EIF5: variants seen among roughly 807,000 people sequenced by gnomAD.
EIF5 encodes the protein eukaryotic translation initiation factor 5.
In EIF5, 10 loss-of-function variants were observed where a neutral mutation model predicts 48.3. The ratio of observed to expected loss-of-function variants is 0.21; its 90% CI spans 0.13 to 0.35. The LOEUF (loss-of-function observed/expected upper bound fraction) is 0.35, where lower values mean the gene tolerates loss of function less well. EIF5 is among the 10% of genes least tolerant of loss of function. EIF5 has a pLI of 1.00. For missense variants in EIF5, 397 were observed against 533.2 expected, an observed-to-expected ratio of 0.74 and a Z score of 2.51; for synonymous variants, 237 against 173.1, an observed-to-expected ratio of 1.37 and a Z score of -2.90.
rs1035989219 is a variant in EIF5, at chr14:103,340,442, G to A, written c.1087G>A (p.Val363Ile). 3.7e-6 allele frequency: 6 copies of A among 1,601,574 alleles called. No homozygotes were observed. In the African/African-American group the frequency reaches 5.4e-5, roughly 14 times the overall value. Residue 363 changes from valine to isoleucine, a missense_variant, in exon 11 of 12, where the codon GTC becomes ATC. Val to Ile is a conservative substitution (Grantham distance 29). This residue lies in a region of EIF5 where 160 missense variants were observed against 184.8 expected (regional missense o/e 0.87). Transcript: ENST00000216554. ...SWSEKASKKY[V>I]SKELAKEIRV... ...CATTTTTTAGGCCTCTAAGAAATAT[G>A]TCTCCAAAGAACTTGCCAAAGAGAT...
chr14:103,336,969 T>G (rs947493598), intron 5 of EIF5, 120 bp downstream of exon 5: 65 of 1,392,410 alleles, frequency 4.7e-5, no homozygotes, highest in Non-Finnish European at 6.0e-5. Flanking sequence ...AAACTCCAGT[T>G]TTCGAGATAT....
chr14:103,340,020 A>G (rs1237492327), intron 10 of EIF5, among the ~76,000 whole-genome samples: 1 of 152,194 alleles, frequency 6.6e-6, no homozygotes, highest in Admixed American at 6.5e-5. Context: ...GATCATGCCC[A>G]GCTAATTTTT....
chr14:103,340,116 G>A (rs2089335816), intron 10 of EIF5, among the ~76,000 whole-genome samples: 2 of 152,168 alleles, frequency 1.3e-5, no homozygotes, highest in South Asian at 4.1e-4. Context: ...CTCCCAAAGT[G>A]CTGAGGTTAC....
Position 103,337,185 on chromosome 14 carries a change from A to C in EIF5, c.397A>C (p.Thr133Pro). 6.2e-7 allele frequency: 1 copy of C among 1,613,826 alleles called. No individual in the cohort carries two copies. Among genetic ancestry groups the C allele is most frequent in the East Asian group, 2.2e-5 (1 of 44,886 alleles). ...CTGTGGCTATCGAGGCATGCTTGAC[A>C]CACATCATAAACTCTGCACATTCAT... Reference protein sequence around the residue: ...KACGYRGMLDTHHKLCTFILK... With the variant: ...KACGYRGMLDPHHKLCTFILK... The change falls in exon 6 of 12, where the codon ACA becomes CCA. Residue 133 changes from threonine (T) to proline (P), a missense_variant. This residue lies in a region of EIF5 where 108 missense variants were observed against 188.3 expected (regional missense o/e 0.57). Coordinates refer to ENST00000216554, the MANE Select transcript of EIF5 (RefSeq NM_001969.5).
At chr14:103,335,220 A>G (rs1233707795) in intron 2 of EIF5, 1 of 143,642 alleles carries the variant, frequency 7.0e-6, no homozygotes, top group African/African-American at 2.4e-5. Context: ...GATTAGTTGT[A>G]GAGAACAGTT....
At chr14:103,338,131 T>G (rs1288080541) in intron 6 of EIF5, 196 bp from the exon 7 acceptor site, 1 of 799,886 alleles carries the variant, frequency 1.3e-6, no homozygotes, top group Non-Finnish European at 2.0e-6. Flanking sequence ...GTCACTCCAT[T>G]CTTAGACTAA....
Position 103,336,745 on chromosome 14 carries a change from A to G in EIF5, c.223A>G (p.Ile75Val). ...TQFDVKNDRYIVNGSHEANKL... is the reference protein window; with the variant it reads ...TQFDVKNDRYVVNGSHEANKL... ...GTTTGATGTTAAGAATGACCGTTACATTGTCAATGGATCTCATGAGGCGAA... is the reference window on the plus strand; with the variant it reads ...GTTTGATGTTAAGAATGACCGTTACGTTGTCAATGGATCTCATGAGGCGAA... The change falls in exon 5 of 12, where the codon ATT (isoleucine) becomes GTT (valine). Residue 75 changes from isoleucine (I) to valine (V), a missense_variant. Around this residue, in one of 4 missense-constraint regions of EIF5, gnomAD observed 108 missense variants for 188.3 expected, o/e 0.57. Transcript: ENST00000216554. The G allele has an allele frequency of 6.2e-7, 1 of 1,614,138 alleles. No homozygotes were observed.
At chr14:103,339,141 T>C (rs772616752) in intron 8 of EIF5, 31 bp from the exon 9 acceptor site, 15 of 1,589,218 alleles carry the variant, frequency 9.4e-6, no homozygotes, top group Non-Finnish European at 1.3e-5. Context: ...TGTGCCTCCA[T>C]TGCACTGAAT....
intron 4 of EIF5, 94 bp from the exon 5 acceptor site, chr14:103,336,581 CAA>C (rs35114533): frequency 0.02 from 21,963 of 1,118,808 alleles, no homozygotes; most frequent in South Asian, 0.037. Context: ...ACTCTTGTCT[CAA>C]AAAAAAAAAA....
At chr14:103,336,271 T>A in intron 4 of EIF5, 154 bp downstream of exon 4, 2 of 803,806 alleles carry the variant, frequency 2.5e-6, no homozygotes, top group South Asian at 3.6e-5. Flanking sequence ...TTTACAAAAC[T>A]ACCAGGGGAA....
chr14:103,337,024 TC>T, intron 5 of EIF5, 91 bp from the exon 6 acceptor site: 3 of 1,370,512 alleles, frequency 2.2e-6, no homozygotes, highest in Non-Finnish European at 3.0e-6. Flanking sequence ...AAAAAAGTTT[TC>T]TTTGCATGTG....
chr14:103,339,493 AC>A (rs1388059528), intron 9 of EIF5, 145 bp from the exon 10 acceptor site: 2 of 1,414,130 alleles, frequency 1.4e-6, no homozygotes, highest in East Asian at 4.6e-5. Flanking sequence ...CTAGGCCCTT[AC>A]AAAGTAACAG....
chr14:103,338,507 A>AGT, intron 7 of EIF5, 35 bp downstream of exon 7: 1 of 1,543,858 alleles, frequency 6.5e-7, no homozygotes. Context: ...TGGGCACTAA[A>AGT]GTTGTGTAAA....
intron 6 of EIF5, 168 bp downstream of exon 6, chr14:103,337,395 A>T: frequency 1.7e-6 from 1 of 589,050 alleles, no homozygotes; most frequent in Non-Finnish European, 2.9e-6. Context: ...ACTTGAGGCC[A>T]GGAGTTCAAG....
intron 5 of EIF5, 100 bp downstream of exon 5, chr14:103,336,949 A>G (rs2089293933): frequency 1.4e-6 from 2 of 1,445,558 alleles, no homozygotes. Context: ...GTAATTTTAA[A>G]TCAAACACAA....
At chr14:103,334,723 G>C (rs2089261864) in intron 2 of EIF5, 126 bp downstream of exon 2, 1 of 144,354 alleles carries the variant, frequency 6.9e-6, no homozygotes, top group Admixed American at 6.9e-5. Context: ...CCCGGGCGCC[G>C]GCCGCCCCCT....
chr14:103,336,375 G>A lies in EIF5; in HGVS notation c.154+258G>A, dbSNP rs151142069. ...AGGCAAGCGGATCGCGAGGTCAGGA[G>A]TTCTAGACCAGCCTAGCCAACATAG... On this transcript the variant is annotated intron_variant, in intron 4 of 11. Coordinates refer to ENST00000216554, the MANE Select transcript of EIF5 (RefSeq NM_001969.5). The A allele has an allele frequency of 2.4e-3, 1,380 of 577,548 alleles. 7 individuals carry two copies. Among genetic ancestry groups the A allele is most frequent in the Non-Finnish European group, 3.0e-3 (1,001 of 328,688 alleles). The allele number at this position is 577,548 out of a possible 1,614,324, so 35.8% of individuals were successfully genotyped here.
rs1320179891 is a variant in EIF5 at position 103,344,217 on chromosome 14, G to A, written c.*3165G>A. On this transcript the variant is annotated 3_prime_UTR_variant, in exon 12 of 12. Transcript: ENST00000216554. ...GTGACCCTGTGAGCCTTTGTTAATA[G>A]GTTGGGAGCTCAGGGTGTTTATGTC... The A allele has an allele frequency of 1.3e-5, 2 of 152,196 alleles. No individual in the cohort carries two copies. The highest frequency in any genetic ancestry group is 2.9e-5 in the Non-Finnish European group (2 of 68,038). 9.4% of individuals were successfully genotyped at this position (152,196 alleles called of 1,614,324 possible).
Position 103,338,839 on chromosome 14 carries a change from T to C in EIF5, c.690T>C (p.Asp230=), listed in dbSNP as rs2089319810. The change falls in exon 8 of 12, where the codon GAT becomes GAC. Residue 230 remains aspartate (D), a synonymous_variant. Coordinates refer to ENST00000216554, the MANE Select transcript of EIF5 (RefSeq NM_001969.5). ...ATGCAAAAGTTCTGACACTCAGTGATGATTTGGAAAGAACAATTGAGGAGA... is the reference window on the plus strand; with the variant it reads ...ATGCAAAAGTTCTGACACTCAGTGACGATTTGGAAAGAACAATTGAGGAGA... The part of the protein sequence containing the change: ...SDHAKVLTLS[D]DLERTIEERV... The C allele has an allele frequency of 1.2e-6, 2 of 1,614,062 alleles. No individual in the cohort carries two copies. Among genetic ancestry groups the C allele is most frequent in the Admixed American group, 1.7e-5 (1 of 60,006 alleles).
Sources: gnomAD v4.1 joint callset for allele counts (sites outside exome capture counted in the v4.1 genomes callset) on GRCh38, gnomAD v4.1.1 for gene constraint, gnomAD v4.1.1 regional missense constraint, MANE v1.5 for transcripts, NCBI Gene and HGNC (gene_info 2026-07-23, HGNC 2026-07-21) for gene names.